ALX4: variants seen among roughly 807,000 people sequenced by gnomAD.
ALX4 encodes the protein ALX homeobox 4.
In ALX4, 22 loss-of-function variants were observed where a neutral mutation model predicts 40.6. The observed-to-expected ratio is 0.54, with a 90% CI of 0.39 to 0.77. ALX4 has a LOEUF of 0.77. ALX4 is among the 30% of genes least tolerant of loss of function. The pLI is 0.00. For synonymous variants in ALX4, 266 were observed against 240.5 expected, an observed-to-expected ratio of 1.11 and a Z score of -0.98; for missense variants, 556 against 564.8, an observed-to-expected ratio of 0.98 and a Z score of 0.16.
At chr11:44,308,199 C>CGT (rs1182121634) in intron 1 of ALX4, among the ~76,000 whole-genome samples, 10 of 152,016 alleles carry the variant, frequency 6.6e-5, no homozygotes, top group Admixed American at 2.0e-4. Context: ...ATGCTCTCTG[C>CGT]GTGTGTGTGT....
At chr11:44,288,476 T>C (rs917020922) in intron 1 of ALX4, among the ~76,000 whole-genome samples, 5 of 152,230 alleles carry the variant, frequency 3.3e-5, no homozygotes, top group African/African-American at 1.2e-4. Context: ...GGAACCCCTC[T>C]TGTGAAGCTG....
At position 44,265,066 on chromosome 11, in the gene ALX4, C is replaced by T; in HGVS notation, c.1024G>A (p.Gly342Arg). The change falls in exon 4 of 4, where the codon GGG (glycine) becomes AGG (arginine). Residue 342 changes from glycine to arginine, a missense_variant. Transcript: ENST00000652299. ...MSPHAHPPGS[G>R]ASSVTDFLSV... ...AGGAAGTCGGTGACGCTGCTGGCCC[C>T]AGAGCCAGGGGGGTGGGCATGAGGG... 16 of 1,613,030 alleles carry T rather than the reference C, an allele frequency of 9.9e-6. No homozygotes were observed. The highest frequency in any genetic ancestry group is 1.3e-5 in the Non-Finnish European group (15 of 1,179,930).
rs1458361194 is a variant in ALX4 at position 44,275,399 on chromosome 11, A to G, written c.726T>C (p.Tyr242=). 1.2e-6 allele frequency: 2 copies of G among 1,614,020 alleles called. No homozygotes were observed. The highest frequency in any genetic ancestry group is 1.7e-6 in the Non-Finnish European group (2 of 1,180,024). The change falls in exon 2 of 4, where the codon TAT becomes TAC. Residue 242 remains tyrosine, a synonymous_variant. Coordinates refer to ENST00000652299, the MANE Select transcript of ALX4 (RefSeq NM_021926.4). ...TCCTCATGGCCAGCTGTTCCCGCGC[A>G]TACACGTCTGGGTAGTGGGTCTTCT... is the stretch of plus-strand genomic sequence containing the variant. The part of the protein sequence containing the change: ...VFQKTHYPDV[Y]AREQLAMRTD...
chr11:44,305,886 G>T (rs1483195466), intron 1 of ALX4, among the ~76,000 whole-genome samples: 1 of 152,262 alleles, frequency 6.6e-6, no homozygotes, highest in African/African-American at 2.4e-5. Context: ...TTCCCGCAGC[G>T]GCCCCGCGTC....
At chr11:44,306,295 A>G (rs1197300676) in intron 1 of ALX4, among the ~76,000 whole-genome samples, 2 of 152,156 alleles carry the variant, frequency 1.3e-5, no homozygotes, top group Admixed American at 6.5e-5. Context: ...GCAGCCCGGG[A>G]GGGTTTCTCT....
At chr11:44,276,589 A>C (rs953598900) in intron 1 of ALX4, among the ~76,000 whole-genome samples, 1 of 152,234 alleles carries the variant, frequency 6.6e-6, no homozygotes, top group African/African-American at 2.4e-5. Flanking sequence ...ACCACCACAC[A>C]GCCTGGTGAG....
chr11:44,293,257 A>T (rs999282305), intron 1 of ALX4, among the ~76,000 whole-genome samples: 8 of 152,086 alleles, frequency 5.3e-5, no homozygotes, highest in Non-Finnish European at 1.2e-4. Context: ...TGAACAAAAT[A>T]AAAAATTCAA....
At position 44,262,784 on chromosome 11, in the gene ALX4, G is replaced by C. The variant is rs998182531; in HGVS notation, c.*2070C>G. 23 of 152,266 alleles carry C rather than the reference G, an allele frequency of 1.5e-4. No individual in the cohort carries two copies. The highest frequency in any genetic ancestry group is 3.4e-3 in the Middle Eastern group (1 of 294). The allele number at this position is 152,266 out of a possible 1,614,324, so 9.4% of individuals were successfully genotyped here. A position where few individuals can be genotyped will look rare whatever the true frequency, so the allele number is the denominator to read the frequency against. On this transcript the variant is annotated 3_prime_UTR_variant, in exon 4 of 4. Coordinates refer to ENST00000652299, the MANE Select transcript of ALX4 (RefSeq NM_021926.4). ...AGCCATGAGCATTTCAGAAGGAAAGGGGGGAGAAATGGGGAAACTGTTCCC... is the reference window on the plus strand; with the variant it reads ...AGCCATGAGCATTTCAGAAGGAAAGCGGGGAGAAATGGGGAAACTGTTCCC...
chr11:44,268,893 C>G (rs1376155321), intron 2 of ALX4, among the ~76,000 whole-genome samples: 1 of 152,194 alleles, frequency 6.6e-6, no homozygotes, highest in Non-Finnish European at 1.5e-5. Flanking sequence ...CGCTGCAGAC[C>G]GGGAGAACAG....
chr11:44,291,824 GTATT>G (rs955721927), intron 1 of ALX4, among the ~76,000 whole-genome samples: 1 of 152,046 alleles, frequency 6.6e-6, no homozygotes, highest in African/African-American at 2.4e-5. Context: ...TTTTATTTAT[GTATT>G]TATTTATAGA....
chr11:44,267,990 G>C (rs1031077380), intron 2 of ALX4, among the ~76,000 whole-genome samples: 1 of 152,210 alleles, frequency 6.6e-6, no homozygotes. Context: ...AGCTACAAAT[G>C]CTCCTCCAGA....
rs1404064476 is a variant in ALX4, at chr11:44,309,686, C to G, written c.377G>C (p.Arg126Pro). 1.3e-6 allele frequency: 2 copies of G among 1,590,702 alleles called. No homozygotes were observed. The highest frequency in any genetic ancestry group is 1.7e-6 in the Non-Finnish European group (2 of 1,171,854). ...GTCCGGGGGCGTCTTGCAGGCGCCT[C>G]GCTGCAAGTAAAGATGCGGTTGCGC... ...PPAQPHLYLQ[R>P]GACKTPPDGS... The change falls in exon 1 of 4, where the codon CGA (arginine) becomes CCA (proline). Residue 126 changes from arginine (R) to proline (P), a missense_variant. Transcript: ENST00000652299.
intron 2 of ALX4, among the ~76,000 whole-genome samples, chr11:44,269,527 T>C (rs535381422): frequency 2.6e-5 from 4 of 152,240 alleles, no homozygotes; most frequent in Non-Finnish European, 5.9e-5. Flanking sequence ...TGCACGAGTG[T>C]ACCCACTAGT....
chr11:44,301,973 C>T (rs945770205), intron 1 of ALX4, among the ~76,000 whole-genome samples: 11 of 152,216 alleles, frequency 7.2e-5, no homozygotes, highest in African/African-American at 2.4e-4. Flanking sequence ...CAGGATGACG[C>T]GGGGGGTGGT....
At chr11:44,290,686 C>T (rs964594829) in intron 1 of ALX4, among the ~76,000 whole-genome samples, 4 of 152,156 alleles carry the variant, frequency 2.6e-5, no homozygotes, top group Admixed American at 6.5e-5. Context: ...AAATGGGAGC[C>T]GACTAAAGGA....
At position 44,273,630 on chromosome 11, in the gene ALX4, C is replaced by T. The variant is rs552482959; in HGVS notation, c.777+1718G>A. On this transcript the variant is annotated intron_variant, in intron 2 of 3. Coordinates refer to ENST00000652299, the MANE Select transcript of ALX4 (RefSeq NM_021926.4). ...AGGAGGGGACAAACAAGTAAAATAA[C>T]GTAAGCCAGTCAACAATCCTGTAAA... 1.6e-4 allele frequency among the ~76,000 whole-genome samples: 25 copies of T among 152,206 alleles called. No individual in the cohort carries two copies. The South Asian group carries it at 2.1e-3, about 13-fold the overall frequency.
chr11:44,300,823 G>A (rs1362002679), intron 1 of ALX4, among the ~76,000 whole-genome samples: 1 of 152,236 alleles, frequency 6.6e-6, no homozygotes, highest in Non-Finnish European at 1.5e-5. Context: ...GAAGCCTCAG[G>A]ATTTCCAGCC....
At chr11:44,293,092 G>C (rs556845162) in intron 1 of ALX4, among the ~76,000 whole-genome samples, 1 of 142,866 alleles carries the variant, frequency 7.0e-6, no homozygotes, top group African/African-American at 2.6e-5. Flanking sequence ...GTGAGACCCT[G>C]TCTGAGAGAA....
At chr11:44,292,838 G>A (rs1320061832) in intron 1 of ALX4, among the ~76,000 whole-genome samples, 2 of 152,014 alleles carry the variant, frequency 1.3e-5, no homozygotes, top group Admixed American at 6.6e-5. Flanking sequence ...GCTCATGCCT[G>A]TAATCCCAGC....
Sources: allele counts gnomAD v4.1 joint callset (sites outside exome capture counted in the v4.1 genomes callset), GRCh38; gene constraint gnomAD v4.1.1; transcripts MANE v1.5; gene names NCBI Gene and HGNC (gene_info 2026-07-23, HGNC 2026-07-21).